RASEF: variants seen among roughly 807,000 people sequenced by gnomAD.
The protein encoded by RASEF is ras and EF-hand domain-containing protein.
A neutral mutation model predicts 90.1 loss-of-function variants in RASEF; 68 were observed. The ratio of observed to expected loss-of-function variants is 0.75; its 90% CI spans 0.62 to 0.92. The LOEUF is 0.92. Ranked by LOEUF, RASEF falls within the 40% of genes least tolerant of loss-of-function variation. The probability of loss-of-function intolerance (pLI) is 0.00; values close to 1 mark genes in which losing one functional copy is unlikely to be tolerated. For synonymous variants in RASEF, 331 were observed against 345.2 expected (o/e 0.96, Z 0.46); for missense variants, 949 against 937.2 (o/e 1.01, Z -0.16).
At chr9:83,087,285 G>A in the RASEF span, among the ~76,000 whole-genome samples, 1 of 152,154 alleles carries the variant, frequency 6.6e-6, no homozygotes, top group Non-Finnish European at 1.5e-5. Context: ...ATTTGGAGTT[G>A]GAGCCTCTGG....
rs1829155633 is a variant in RASEF at position 83,007,504 on chromosome 9, C to A, written c.961G>T (p.Asp321Tyr). The change falls in exon 7 of 17, where the codon GAT becomes TAT. Residue 321 changes from aspartate to tyrosine, a missense_variant and splice_region_variant. Physicochemically the swap from Asp to Tyr is radical, Grantham distance 160 (BLOSUM62 -3). Around this residue, in one of 3 missense-constraint regions of RASEF, gnomAD observed 656 missense variants for 592.2 expected, o/e 1.11. Transcript: ENST00000376447. Reference sequence around the variant, plus strand: ...GTGTATGCTCGGATTATTTCCAGATCCCTGTAAAATTGTATTTTATGTTTG... The same window carrying A: ...GTGTATGCTCGGATTATTTCCAGATACCTGTAAAATTGTATTTTATGTTTG... ...YADQSLNTER[D>Y]LEIIRAYTED... The A allele has an allele frequency of 1.2e-6, 2 of 1,611,172 alleles. No individual in the cohort carries two copies. Among genetic ancestry groups the A allele is most frequent in the African/African-American group, 2.7e-5 (2 of 74,990 alleles).
chr9:83,111,672 C>A, the RASEF span, among the ~76,000 whole-genome samples: 1 of 151,776 alleles, frequency 6.6e-6, no homozygotes, highest in African/African-American at 2.4e-5. Context: ...AGAATACATA[C>A]AATTGTCATT....
At chr9:83,102,378 G>A in the RASEF span, among the ~76,000 whole-genome samples, 1 of 152,134 alleles carries the variant, frequency 6.6e-6, no homozygotes, top group African/African-American at 2.4e-5. Context: ...AAACAAAAAG[G>A]CAAAACCTCA....
chr9:83,147,040 G>GTATATATA, the RASEF span, among the ~76,000 whole-genome samples: 5,219 of 143,500 alleles, frequency 0.036, 230 homozygotes, highest in East Asian at 0.1. Context: ...ATATATATAT[G>GTATATATA]TATATATATA....
chr9:83,135,917 T>C, the RASEF span, among the ~76,000 whole-genome samples: 8 of 152,162 alleles, frequency 5.3e-5, no homozygotes, highest in Non-Finnish European at 1.2e-4. Context: ...AGTATATCAA[T>C]GCTGTTAGTG....
the RASEF span, among the ~76,000 whole-genome samples, chr9:83,177,478 G>T: frequency 6.6e-6 from 1 of 152,050 alleles, no homozygotes; most frequent in East Asian, 1.9e-4. Context: ...TAAGGTTCTT[G>T]GTTGACAGGT....
At chr9:82,993,146 T>C (rs1472770833) in intron 14 of RASEF, 121 bp from the exon 15 acceptor site, 10 of 937,772 alleles carry the variant, frequency 1.1e-5, no homozygotes, top group South Asian at 1.8e-5. Context: ...AAATCCTATA[T>C]AGAGGATATC....
chr9:83,190,841 T>A, the RASEF span, among the ~76,000 whole-genome samples: 1 of 152,130 alleles, frequency 6.6e-6, no homozygotes, highest in Admixed American at 6.5e-5. Context: ...AAAGACACAA[T>A]TCATAGACTC....
chr9:83,032,870 A>G (rs1395998572), intron 1 of RASEF, among the ~76,000 whole-genome samples: 1 of 152,180 alleles, frequency 6.6e-6, no homozygotes, highest in African/African-American at 2.4e-5. Flanking sequence ...GATTACATAT[A>G]TATTTATGTT....
the RASEF span, among the ~76,000 whole-genome samples, chr9:83,115,884 T>TA: frequency 2.9e-3 from 417 of 146,000 alleles, no homozygotes; most frequent in African/African-American, 5.5e-3. Flanking sequence ...GCTAAATTGC[T>TA]AAAAAAAAAA....
At chr9:82,995,776 A>G (rs1828904858) in intron 14 of RASEF, among the ~76,000 whole-genome samples, 1 of 152,162 alleles carries the variant, frequency 6.6e-6, no homozygotes, top group Admixed American at 6.5e-5. Context: ...TCTTCTGCTC[A>G]CACTGGTGCT....
chr9:83,010,758 C>T (rs1314493577), intron 5 of RASEF, among the ~76,000 whole-genome samples: 2 of 152,110 alleles, frequency 1.3e-5, no homozygotes, highest in Non-Finnish European at 1.5e-5. Context: ...CCACTCACAC[C>T]GGTAACTGGG....
At chr9:82,997,609 A>G (rs2118424499) in intron 13 of RASEF, among the ~76,000 whole-genome samples, 1 of 152,336 alleles carries the variant, frequency 6.6e-6, no homozygotes, top group African/African-American at 2.4e-5. Flanking sequence ...GGGGGTCAGG[A>G]GATTCACCTT....
At chr9:83,121,542 TTTC>T in the RASEF span, among the ~76,000 whole-genome samples, 1 of 152,178 alleles carries the variant, frequency 6.6e-6, no homozygotes, top group Non-Finnish European at 1.5e-5. Context: ...CGTAATTATG[TTTC>T]TTTATTTACA....
intron 1 of RASEF, chr9:83,048,056 C>T: frequency 1.1e-6 from 1 of 943,112 alleles, no homozygotes; most frequent in Non-Finnish European, 1.3e-6. Flanking sequence ...GCTTTCCTCC[C>T]AGCATATAAA....
intron 1 of RASEF, among the ~76,000 whole-genome samples, chr9:83,029,517 T>C (rs921284042): frequency 1.3e-5 from 2 of 151,256 alleles, no homozygotes; most frequent in East Asian, 1.9e-4. Flanking sequence ...CTCAGCCTCC[T>C]GAGTAGCTGA....
chr9:83,025,788 T>C lies in RASEF; in HGVS notation c.565A>G (p.Ile189Val). 1 of 1,613,774 alleles carries C rather than the reference T, an allele frequency of 6.2e-7. No individual in the cohort carries two copies. The highest frequency in any genetic ancestry group is 8.5e-7 in the Non-Finnish European group (1 of 1,179,916). The change falls in exon 2 of 17, where the codon ATT becomes GTT. Residue 189 changes from isoleucine (I) to valine (V), a missense_variant. Ile to Val is a conservative substitution (Grantham distance 29). This residue lies in a region of RASEF where 656 missense variants were observed against 592.2 expected (regional missense o/e 1.11). Coordinates refer to ENST00000376447, the MANE Select transcript of RASEF (RefSeq NM_152573.4). Reference sequence around the variant, plus strand: ...GGACTTCAATACCTCTTCACCGCAATGGCCAAATTTTCCATTTCTGTGCTT... The same window carrying C: ...GGACTTCAATACCTCTTCACCGCAACGGCCAAATTTTCCATTTCTGTGCTT... Reference protein sequence around the residue: ...LQSTEMENLAIAVKRAQDKAA... With the variant: ...LQSTEMENLAVAVKRAQDKAA...
the RASEF span, among the ~76,000 whole-genome samples, chr9:83,078,765 G>C: frequency 6.6e-6 from 1 of 151,742 alleles, no homozygotes; most frequent in African/African-American, 2.4e-5. Context: ...TTCCCAGCAG[G>C]ATAAGGTAAC....
At chr9:83,153,978 C>T in the RASEF span, among the ~76,000 whole-genome samples, 1 of 152,200 alleles carries the variant, frequency 6.6e-6, no homozygotes, top group Non-Finnish European at 1.5e-5. Context: ...GTGGAGAATG[C>T]ATAGCGTATA....
Sources: allele counts gnomAD v4.1 joint callset (sites outside exome capture counted in the v4.1 genomes callset), GRCh38; gene constraint gnomAD v4.1.1; regional missense constraint gnomAD v4.1.1; transcripts MANE v1.5; gene names NCBI Gene and HGNC (gene_info 2026-07-23, HGNC 2026-07-21).